MARCHF1: variants seen among roughly 807,000 people sequenced by gnomAD.
MARCHF1 encodes E3 ubiquitin-protein ligase MARCHF1.
MARCHF1 carries 40 observed loss-of-function variants against 54.2 expected under a neutral mutation model. The ratio of observed to expected loss-of-function variants is 0.74; its 90% CI spans 0.57 to 0.96. The LOEUF is 0.96. Ranked by LOEUF, MARCHF1 falls within the 40% of genes least tolerant of loss-of-function variation. The pLI is 0.00. For missense variants in MARCHF1, 586 were observed against 656.5 expected (o/e 0.89, Z 1.17); for synonymous variants, 236 against 236.3 (o/e 1.00, Z 0.01).
intron 3 of MARCHF1, among the ~76,000 whole-genome samples, chr4:163,857,405 G>T (rs1319198363): frequency 6.6e-6 from 1 of 152,070 alleles, no homozygotes; most frequent in African/African-American, 2.4e-5. Context: ...AGAATGTGCT[G>T]TCAGCCAGAA....
At chr4:164,137,620 G>T (rs1756430303) in intron 1 of MARCHF1, among the ~76,000 whole-genome samples, 1 of 151,966 alleles carries the variant, frequency 6.6e-6, no homozygotes, top group Non-Finnish European at 1.5e-5. Flanking sequence ...GGTTATATGA[G>T]AATATATTTT....
At chr4:164,079,571 T>C (rs1579516305) in intron 2 of MARCHF1, among the ~76,000 whole-genome samples, 1 of 152,166 alleles carries the variant, frequency 6.6e-6, no homozygotes, top group East Asian at 1.9e-4. Context: ...GAAAATATGC[T>C]TAAGGACTTA....
intron 5 of MARCHF1, among the ~76,000 whole-genome samples, chr4:163,632,691 G>C (rs1742146838): frequency 6.6e-6 from 1 of 152,254 alleles, no homozygotes; most frequent in Non-Finnish European, 1.5e-5. Flanking sequence ...CCATTGCCCA[G>C]GCTTGCTTAG....
At chr4:164,070,994 C>T (rs963869336) in intron 2 of MARCHF1, among the ~76,000 whole-genome samples, 4 of 152,108 alleles carry the variant, frequency 2.6e-5, no homozygotes, top group African/African-American at 9.7e-5. Flanking sequence ...TTTCTCTTGC[C>T]GCTGCCATGT....
At chr4:163,531,571 G>T (rs922393081) in intron 9 of MARCHF1, among the ~76,000 whole-genome samples, 1 of 151,730 alleles carries the variant, frequency 6.6e-6, no homozygotes, top group Non-Finnish European at 1.5e-5. Flanking sequence ...TGCCTATTCC[G>T]CATCACACTG....
chr4:163,922,201 C>T (rs865809206), intron 3 of MARCHF1, among the ~76,000 whole-genome samples: 29 of 46,308 alleles, frequency 6.3e-4, no homozygotes, highest in African/African-American at 2.3e-3. Flanking sequence ...CATCACACGC[C>T]GGGGCCTGTT....
chr4:164,043,947 A>G (rs541640832), intron 2 of MARCHF1, among the ~76,000 whole-genome samples: 2 of 152,296 alleles, frequency 1.3e-5, no homozygotes, highest in South Asian at 4.1e-4. Flanking sequence ...AAAGCATAGC[A>G]AGAGTCACCT....
intron 4 of MARCHF1, among the ~76,000 whole-genome samples, chr4:163,739,635 A>T (rs1056751018): frequency 3.9e-5 from 6 of 152,210 alleles, no homozygotes; most frequent in African/African-American, 1.4e-4. Flanking sequence ...AGAGATAATC[A>T]TGTGAAATTC....
chr4:164,138,513 G>A, intron 1 of MARCHF1, among the ~76,000 whole-genome samples: 1 of 152,178 alleles, frequency 6.6e-6, no homozygotes, highest in East Asian at 1.9e-4. Flanking sequence ...TGTTCTTGGA[G>A]GACTTGCATT....
At chr4:163,966,956 T>A (rs1397885851) in intron 3 of MARCHF1, among the ~76,000 whole-genome samples, 1 of 152,120 alleles carries the variant, frequency 6.6e-6, no homozygotes, top group Non-Finnish European at 1.5e-5. Context: ...ACAGCTGAGT[T>A]CCCTTTTTAG....
At chr4:164,317,509 A>C (rs986892365) in intron 1 of MARCHF1, among the ~76,000 whole-genome samples, 1 of 152,136 alleles carries the variant, frequency 6.6e-6, no homozygotes, top group Non-Finnish European at 1.5e-5. Context: ...CCTAAGCAAG[A>C]GGGTGAAAAA....
At chr4:164,036,142 A>C (rs987324271) in intron 2 of MARCHF1, among the ~76,000 whole-genome samples, 16 of 145,656 alleles carry the variant, frequency 1.1e-4, no homozygotes, top group East Asian at 8.1e-4. Flanking sequence ...AAAAAAAAAA[A>C]CAATTTTTAA....
chr4:163,747,852 CA>C (rs2110763877), intron 4 of MARCHF1, among the ~76,000 whole-genome samples: 1 of 152,268 alleles, frequency 6.6e-6, no homozygotes, highest in East Asian at 1.9e-4. Context: ...GGACCCTGGC[CA>C]ACGGATGAAA....
intron 4 of MARCHF1, among the ~76,000 whole-genome samples, chr4:163,720,891 T>A (rs1561038548): frequency 2.0e-5 from 3 of 152,256 alleles, no homozygotes; most frequent in East Asian, 1.9e-4. Flanking sequence ...ATCCTGAGAC[T>A]TTGCTGAAGT....
chr4:163,669,766 T>C (rs968996637), intron 5 of MARCHF1, among the ~76,000 whole-genome samples: 1 of 152,028 alleles, frequency 6.6e-6, no homozygotes, highest in Non-Finnish European at 1.5e-5. Flanking sequence ...ACCTGGCTAA[T>C]TTTTGTATTT....
intron 4 of MARCHF1, among the ~76,000 whole-genome samples, chr4:163,790,121 C>G (rs745977563): frequency 6.6e-6 from 1 of 151,904 alleles, no homozygotes; most frequent in Non-Finnish European, 1.5e-5. Context: ...TAGGTATAAC[C>G]AAGGGACGGT....
In MARCHF1 at chr4:163,649,821, A is replaced by C. The variant is rs536931924; in HGVS notation, c.163-36428T>G. 4.6e-5 allele frequency among the ~76,000 whole-genome samples: 7 copies of C among 151,940 alleles called. No homozygotes were observed. The South Asian group carries it at 1.5e-3, about 32-fold the overall frequency. On this transcript the variant is annotated intron_variant, in intron 5 of 9. Coordinates refer to ENST00000514618, the MANE Select transcript of MARCHF1 (RefSeq NM_001394959.1). Reference sequence around the variant, plus strand: ...GGGCTATAATCTAGTTTCCACCTCAAGAAACCTAGAGAGGACCCAAGTGAG... The same window carrying C: ...GGGCTATAATCTAGTTTCCACCTCACGAAACCTAGAGAGGACCCAAGTGAG...
chr4:164,004,163 T>C (rs1753239350), intron 2 of MARCHF1, among the ~76,000 whole-genome samples: 2 of 151,772 alleles, frequency 1.3e-5, no homozygotes, highest in South Asian at 2.1e-4. Context: ...AACATCAAGA[T>C]AAATAGCTAA....
rs111736971 is a variant in MARCHF1 at position 163,596,167 on chromosome 4, G to A, written c.1011-10238C>T. 4.0e-4 allele frequency among the ~76,000 whole-genome samples: 61 copies of A among 152,156 alleles called. 1 individual carries two copies. Among genetic ancestry groups the A allele is most frequent in the African/African-American group, 1.4e-3 (59 of 41,524 alleles). ...TCAGTTTGGGAAAAGGAAAGGGAAT[G>A]AGTTATGGAGGAAGAGAGCAAAGGA... On this transcript the variant is annotated intron_variant, in intron 7 of 9. Transcript: ENST00000514618.
Sources: allele counts gnomAD v4.1 joint callset (sites outside exome capture counted in the v4.1 genomes callset), GRCh38; gene constraint gnomAD v4.1.1; transcripts MANE v1.5; gene names NCBI Gene and HGNC (gene_info 2026-07-23, HGNC 2026-07-21).